SAMHD1: variants seen among roughly 807,000 people sequenced by gnomAD.
The protein encoded by SAMHD1 is deoxynucleoside triphosphate triphosphohydrolase SAMHD1.
Under a neutral mutation model 79.6 loss-of-function variants are expected in SAMHD1, and 54 were observed. The observed-to-expected ratio is 0.68, with a 90% CI of 0.55 to 0.85. The LOEUF (loss-of-function observed/expected upper bound fraction) is 0.85. SAMHD1 is among the 40% of genes least tolerant of loss of function. The pLI is 0.00. For missense variants in SAMHD1, 663 were observed against 782.7 expected (o/e 0.85, Z 1.82); for synonymous variants, 260 against 264.1 (o/e 0.98, Z 0.15).
intron 7 of SAMHD1, among the ~76,000 whole-genome samples, chr20:36,918,199 T>C (rs2146118157): frequency 6.6e-6 from 1 of 151,836 alleles, no homozygotes; most frequent in East Asian, 2.0e-4. Flanking sequence ...GATCCTCCCA[T>C]CATGGCCTCC....
intron 4 of SAMHD1, among the ~76,000 whole-genome samples, chr20:36,933,742 C>T (rs1054609714): frequency 3.9e-5 from 6 of 152,054 alleles, no homozygotes; most frequent in African/African-American, 7.2e-5. Flanking sequence ...CCGCCTGCCC[C>T]GGCCTCCCAA....
In SAMHD1 at chr20:36,920,423, G is replaced by GC. The variant is rs1195137767; in HGVS notation, c.697-905dup. Among the ~76,000 whole-genome samples the GC allele has an allele frequency of 3.0e-4, 46 of 151,896 alleles. 1 individual carries two copies. The highest frequency in any genetic ancestry group is 8.7e-4 in the African/African-American group (36 of 41,416). On this transcript the variant is annotated intron_variant, in intron 6 of 15. Transcript: ENST00000646673. ...CTTGCCCTATAACTATTCTTTCCCC[G>GC]CCCCCGCAGAAACAATTCTTGCTCC...
chr20:36,948,844 C>T (rs541842254), intron 1 of SAMHD1, among the ~76,000 whole-genome samples: 5 of 138,806 alleles, frequency 3.6e-5, no homozygotes, highest in East Asian at 2.1e-4. Flanking sequence ...TTCAGCCTGG[C>T]GACAGAGCGA....
At chr20:36,926,991 G>A (rs1001044479) in intron 6 of SAMHD1, 191 bp downstream of exon 6, 6 of 552,690 alleles carry the variant, frequency 1.1e-5, no homozygotes, top group East Asian at 6.1e-5. Context: ...GGGAGATAAC[G>A]ATAACTTCCT....
intron 2 of SAMHD1, among the ~76,000 whole-genome samples, chr20:36,942,021 A>G (rs931190015): frequency 1.3e-5 from 2 of 152,176 alleles, no homozygotes; most frequent in African/African-American, 4.8e-5. Context: ...GGAGTCACAT[A>G]GTTGAGCAAA....
intron 2 of SAMHD1, among the ~76,000 whole-genome samples, chr20:36,944,782 T>G (rs1176296470): frequency 6.6e-6 from 1 of 152,080 alleles, no homozygotes; most frequent in Non-Finnish European, 1.5e-5. Flanking sequence ...TAATCCCAGC[T>G]ACTCGGGAGG....
chr20:36,932,718 G>C (rs1377789124), intron 4 of SAMHD1, among the ~76,000 whole-genome samples: 1 of 151,644 alleles, frequency 6.6e-6, no homozygotes, highest in East Asian at 1.9e-4. Context: ...CACCCGGCAA[G>C]TTTGGTTTTG....
intron 12 of SAMHD1, chr20:36,904,585 C>G (rs539020334): frequency 3.0e-6 from 1 of 331,760 alleles, no homozygotes; most frequent in Non-Finnish European, 5.9e-6. Flanking sequence ...GGCGTGGTGG[C>G]GGGTGCCTGT....
At chr20:36,932,456 T>G (rs1467883570) in intron 4 of SAMHD1, among the ~76,000 whole-genome samples, 64 of 62,450 alleles carry the variant, frequency 1.0e-3, no homozygotes, top group Middle Eastern at 5.7e-3. Flanking sequence ...AGTTTCGTGT[T>G]TTTTTTTTTT....
chr20:36,905,521 T>G lies in SAMHD1; in HGVS notation c.1271-18A>C. 1.1e-5 allele frequency: 18 copies of G among 1,575,846 alleles called. No individual in the cohort carries two copies. The highest frequency in any genetic ancestry group is 1.6e-5 in the Non-Finnish European group (18 of 1,145,794). On this transcript the variant is annotated intron_variant, in intron 11 of 15. Coordinates refer to ENST00000646673, the MANE Select transcript of SAMHD1 (RefSeq NM_015474.4). Reference sequence around the variant, plus strand: ...AATGTTATCTGCCAATTTAATGACATTTCAGTTATATTAAAATAAAAACAC... The same window carrying G: ...AATGTTATCTGCCAATTTAATGACAGTTCAGTTATATTAAAATAAAAACAC...
At chr20:36,927,044 A>G (rs1218632613) in intron 6 of SAMHD1, 138 bp downstream of exon 6, 5 of 701,176 alleles carry the variant, frequency 7.1e-6, no homozygotes, top group Admixed American at 2.3e-5. Context: ...ATATATATAT[A>G]TGTGAATGAA....
At chr20:36,924,140 T>A (rs2063522689) in intron 6 of SAMHD1, among the ~76,000 whole-genome samples, 1 of 151,992 alleles carries the variant, frequency 6.6e-6, no homozygotes, top group East Asian at 1.9e-4. Flanking sequence ...TAGTCCCAGC[T>A]ACTCTGGAGG....
intron 6 of SAMHD1, among the ~76,000 whole-genome samples, chr20:36,921,796 C>A (rs965054788): frequency 6.6e-6 from 1 of 151,298 alleles, no homozygotes; most frequent in African/African-American, 2.4e-5. Context: ...TCAGGTGATT[C>A]TCCTGCCTCA....
chr20:36,914,903 T>G (rs954077424), intron 9 of SAMHD1, among the ~76,000 whole-genome samples: 1 of 151,122 alleles, frequency 6.6e-6, no homozygotes, highest in African/African-American at 2.4e-5. Context: ...TCCCAGCTAT[T>G]CGGGAAGCTG....
intron 15 of SAMHD1, chr20:36,897,525 T>C (rs1990220087): frequency 2.2e-6 from 1 of 444,658 alleles, no homozygotes; most frequent in Non-Finnish European, 4.1e-6. Flanking sequence ...GGAGACACTA[T>C]GAATAACCTT....
intron 7 of SAMHD1, among the ~76,000 whole-genome samples, chr20:36,918,255 A>G (rs1358744823): frequency 6.6e-6 from 1 of 151,948 alleles, no homozygotes; most frequent in Non-Finnish European, 1.5e-5. Context: ...CTGGCCAAAT[A>G]TGTTCATTTT....
At position 36,947,476 on chromosome 20, in the gene SAMHD1, GGTGTGTGT is replaced by G. The variant is rs1183056232; in HGVS notation, c.209-680_209-673del. 6.4e-4 allele frequency among the ~76,000 whole-genome samples: 71 copies of G among 110,576 alleles called. 3 individuals are homozygous for G. Among genetic ancestry groups the G allele is most frequent in the African/African-American group, 2.5e-3 (68 of 27,452 alleles). The allele number at this position is 110,576 out of a possible 152,430, so 72.5% of individuals were successfully genotyped here. ...GCACTCAATACTCTGATTTGGAAGA[GGTGTGTGT>G]GTGTGTGAGTGTGTGTGTGTGTGTG... On this transcript the variant is annotated intron_variant, in intron 1 of 15. Coordinates refer to ENST00000646673, the MANE Select transcript of SAMHD1 (RefSeq NM_015474.4).
intron 9 of SAMHD1, chr20:36,916,440 T>G (rs2063476258): frequency 2.8e-6 from 1 of 360,900 alleles, no homozygotes; most frequent in Non-Finnish European, 5.2e-6. Flanking sequence ...AAGACTAGCC[T>G]GGGCAACACA....
At chr20:36,895,615 C>T (rs1990182462) in intron 15 of SAMHD1, among the ~76,000 whole-genome samples, 1 of 152,088 alleles carries the variant, frequency 6.6e-6, no homozygotes, top group African/African-American at 2.4e-5. Flanking sequence ...TGGCAAAATA[C>T]TCACTCCGTG....
Sources: gnomAD v4.1 joint callset for allele counts (sites outside exome capture counted in the v4.1 genomes callset) on GRCh38, gnomAD v4.1.1 for gene constraint, MANE v1.5 for transcripts, NCBI Gene and HGNC (gene_info 2026-07-23, HGNC 2026-07-21) for gene names.